PARPBP: variants seen among roughly 807,000 people sequenced by gnomAD.
PARPBP encodes PARP1 binding protein.
Under a neutral mutation model 50.0 loss-of-function variants are expected in PARPBP, and 52 were observed. The ratio of observed to expected loss-of-function variants is 1.04; its 90% CI spans 0.83 to 1.31. The LOEUF is 1.31. PARPBP is among the 50% of genes most tolerant of loss of function. PARPBP has a pLI of 0.00. For missense variants in PARPBP, 697 were observed against 672.0 expected, an observed-to-expected ratio of 1.04 and a Z score of -0.41; for synonymous variants, 244 against 232.1, an observed-to-expected ratio of 1.05 and a Z score of -0.47.
intron 3 of PARPBP, chr12:102,151,763 G>A: frequency 6.5e-7 from 1 of 1,535,622 alleles, no homozygotes; most frequent in Non-Finnish European, 8.7e-7. Context: ...CAGAAGAAGA[G>A]ACGAGACCTG....
At chr12:102,126,226 G>A (rs1035789261) in intron 2 of PARPBP, among the ~76,000 whole-genome samples, 7 of 152,054 alleles carry the variant, frequency 4.6e-5, no homozygotes, top group East Asian at 1.9e-4. Context: ...CAAAATTTGC[G>A]CTCAGGGTTT....
At chr12:102,193,925 T>A (rs1236454745) in intron 9 of PARPBP, among the ~76,000 whole-genome samples, 1 of 152,024 alleles carries the variant, frequency 6.6e-6, no homozygotes, top group Non-Finnish European at 1.5e-5. Flanking sequence ...TTCAGTTTTG[T>A]GCATTTTATG....
intron 2 of PARPBP, among the ~76,000 whole-genome samples, chr12:102,136,362 T>C (rs1883631290): frequency 6.6e-6 from 1 of 152,232 alleles, no homozygotes; most frequent in Non-Finnish European, 1.5e-5. Flanking sequence ...GAGGCTGTTA[T>C]TCTGGAATCA....
chr12:102,145,113 G>A (rs557474030), intron 2 of PARPBP, among the ~76,000 whole-genome samples: 18 of 152,148 alleles, frequency 1.2e-4, no homozygotes, highest in Non-Finnish European at 2.1e-4. Flanking sequence ...TACTACCAGT[G>A]GCTAATTATT....
intron 2 of PARPBP, among the ~76,000 whole-genome samples, chr12:102,130,320 C>A (rs754944822): frequency 6.6e-6 from 1 of 152,154 alleles, no homozygotes; most frequent in Non-Finnish European, 1.5e-5. Flanking sequence ...ATTCTGGACA[C>A]AGGCATGGGC....
intron 3 of PARPBP, among the ~76,000 whole-genome samples, chr12:102,153,159 A>G (rs961206329): frequency 6.6e-6 from 1 of 152,154 alleles, no homozygotes; most frequent in Non-Finnish European, 1.5e-5. Context: ...ACCCAGAAGC[A>G]ATTCAGCATG....
chr12:102,166,628 G>A (rs1049746979), intron 6 of PARPBP, among the ~76,000 whole-genome samples: 1 of 152,070 alleles, frequency 6.6e-6, no homozygotes, highest in Non-Finnish European at 1.5e-5. Context: ...TAATTTAGAG[G>A]TGAAGAGACT....
intron 4 of PARPBP, 45 bp from the exon 5 acceptor site, chr12:102,164,393 A>G: frequency 5.8e-6 from 8 of 1,389,844 alleles, no homozygotes; most frequent in Non-Finnish European, 8.1e-6. Context: ...TTATGGATTT[A>G]GAAGAACTGC....
At chr12:102,150,338 A>G (rs1226359136) in intron 3 of PARPBP, 3 of 444,268 alleles carry the variant, frequency 6.8e-6, no homozygotes, top group South Asian at 3.2e-5. Context: ...TGCACTAAGT[A>G]TAATCCCAAT....
At chr12:102,157,318 A>T (rs979798857) in intron 4 of PARPBP, among the ~76,000 whole-genome samples, 3 of 152,346 alleles carry the variant, frequency 2.0e-5, no homozygotes, top group Admixed American at 2.0e-4. Context: ...TAACCGCAAT[A>T]TAAGAAATAA....
chr12:102,183,109 G>T (rs1217306294), intron 9 of PARPBP, among the ~76,000 whole-genome samples: 1 of 152,080 alleles, frequency 6.6e-6, no homozygotes. Context: ...TTTGAACTAA[G>T]TTTTGCTGTC....
chr12:102,142,564 G>T (rs1884777869), intron 2 of PARPBP, among the ~76,000 whole-genome samples: 1 of 152,174 alleles, frequency 6.6e-6, no homozygotes, highest in Admixed American at 6.5e-5. Context: ...AGGAGAAGAG[G>T]CACTCTGCTT....
At chr12:102,192,045 GC>G (rs1468298965) in intron 9 of PARPBP, among the ~76,000 whole-genome samples, 24 of 152,082 alleles carry the variant, frequency 1.6e-4, no homozygotes, top group Non-Finnish European at 2.9e-5. Flanking sequence ...CAAAGGAAAA[GC>G]AATCTCTTTT....
intron 8 of PARPBP, among the ~76,000 whole-genome samples, chr12:102,179,425 T>C (rs1565897833): frequency 1.3e-5 from 2 of 152,240 alleles, no homozygotes; most frequent in African/African-American, 4.8e-5. Flanking sequence ...ACAGACTGGG[T>C]AGCTTAAACA....
chr12:102,171,773 G>T (rs1254017455), intron 6 of PARPBP, among the ~76,000 whole-genome samples: 1 of 151,940 alleles, frequency 6.6e-6, no homozygotes, highest in Non-Finnish European at 1.5e-5. Context: ...GGAGGCTGAG[G>T]CAGGAGAATG....
chr12:102,171,002 A>C (rs943193964), intron 6 of PARPBP, among the ~76,000 whole-genome samples: 1 of 151,412 alleles, frequency 6.6e-6, no homozygotes, highest in African/African-American at 2.4e-5. Flanking sequence ...AGGATTATCA[A>C]TATGACTGTC....
At chr12:102,187,451 G>C (rs1017571492) in intron 9 of PARPBP, among the ~76,000 whole-genome samples, 2 of 152,110 alleles carry the variant, frequency 1.3e-5, no homozygotes, top group Non-Finnish European at 2.9e-5. Flanking sequence ...TACACACTGA[G>C]AGAAATAAAG....
rs1887916794 is a variant in PARPBP, at chr12:102,164,442, A to G, written c.500A>G (p.Gln167Arg). ...ACTGAATATTTTATTGCACAGGTGC[A>G]GCTGCTAGCAAGGAAAATTATCTTT... is the stretch of plus-strand genomic sequence containing the variant. ...SKYNRDNEKV[Q>R]LLARKIIFSY... The change falls in exon 5 of 11, where the codon CAG (glutamine) becomes CGG (arginine). Residue 167 changes from glutamine to arginine, a missense_variant. Coordinates refer to ENST00000327680, the MANE Select transcript of PARPBP (RefSeq NM_017915.5). 2.5e-6 allele frequency: 4 copies of G among 1,608,806 alleles called. No individual in the cohort carries two copies. The highest frequency in any genetic ancestry group is 1.3e-5 in the African/African-American group (1 of 74,804).
intron 7 of PARPBP, among the ~76,000 whole-genome samples, chr12:102,176,763 C>T (rs1889325044): frequency 6.6e-6 from 1 of 152,176 alleles, no homozygotes; most frequent in Non-Finnish European, 1.5e-5. Flanking sequence ...CATTTACTCA[C>T]AGCACTCTGG....
Sources: gnomAD v4.1 joint callset for allele counts (sites outside exome capture counted in the v4.1 genomes callset) on GRCh38, gnomAD v4.1.1 for gene constraint, MANE v1.5 for transcripts, NCBI Gene and HGNC (gene_info 2026-07-23, HGNC 2026-07-21) for gene names.